Variants in RBM6 observed in about 807,000 individuals in gnomAD.
RBM6 encodes the protein RNA-binding protein 6.
A neutral mutation model predicts 140.4 loss-of-function variants in RBM6; 23 were observed. The ratio of observed to expected loss-of-function variants is 0.16; its 90% CI spans 0.12 to 0.23. The LOEUF is 0.23. Ranked by LOEUF, RBM6 falls within the 10% of genes least tolerant of loss-of-function variation. The pLI is 1.00. For synonymous variants in RBM6, 439 were observed against 475.6 expected (o/e 0.92, Z 1.00); for missense variants, 1,139 against 1,386.7 (o/e 0.82, Z 2.84).
chr3:49,964,822 AC>A (rs1176602759), intron 2 of RBM6, among the ~76,000 whole-genome samples: 2 of 152,174 alleles, frequency 1.3e-5, no homozygotes, highest in Non-Finnish European at 2.9e-5. Context: ...TTATTGTCTA[AC>A]TTTTTTCAAA....
At chr3:50,026,536 C>T (rs887034163) in intron 6 of RBM6, among the ~76,000 whole-genome samples, 1 of 151,210 alleles carries the variant, frequency 6.6e-6, no homozygotes, top group African/African-American at 2.4e-5. Flanking sequence ...TGCACCACCA[C>T]GTCTGGCTAA....
chr3:50,071,633 T>A (rs963199555), intron 19 of RBM6, among the ~76,000 whole-genome samples: 1 of 152,070 alleles, frequency 6.6e-6, no homozygotes, highest in Admixed American at 6.6e-5. Flanking sequence ...AGACCCTGCC[T>A]CTATTTAAAA....
chr3:50,026,991 G>A (rs4688755), intron 6 of RBM6, among the ~76,000 whole-genome samples: 74,934 of 151,694 alleles, frequency 0.49, 19,559 homozygotes, highest in East Asian at 0.86. Flanking sequence ...TTGTTCCTGG[G>A]TCGTCAGATA....
chr3:49,995,359 C>T (rs2086035362), intron 5 of RBM6, among the ~76,000 whole-genome samples: 2 of 152,016 alleles, frequency 1.3e-5, no homozygotes, highest in African/African-American at 2.4e-5. Flanking sequence ...AGTTCGAGAC[C>T]AGCCTGGCCA....
At chr3:50,002,327 T>C (rs1488723390) in intron 6 of RBM6, among the ~76,000 whole-genome samples, 2 of 151,522 alleles carry the variant, frequency 1.3e-5, no homozygotes, top group Non-Finnish European at 2.9e-5. Flanking sequence ...GGTGGCACGA[T>C]CTCAGCTCAT....
intron 1 of RBM6, among the ~76,000 whole-genome samples, chr3:49,961,814 A>G (rs1331221737): frequency 6.6e-6 from 1 of 150,842 alleles, no homozygotes; most frequent in African/African-American, 2.4e-5. Flanking sequence ...AAAAAAAAAA[A>G]GTATTTTTCT....
chr3:50,008,677 C>T (rs2086699225), intron 6 of RBM6, among the ~76,000 whole-genome samples: 1 of 151,480 alleles, frequency 6.6e-6, no homozygotes, highest in African/African-American at 2.4e-5. Flanking sequence ...CCTTGGCCTC[C>T]CGAGTAGCTG....
At position 50,077,177 on chromosome 3, in the gene RBM6, G is replaced by T. The variant is rs762628052; in HGVS notation, c.*44G>T. The T allele has an allele frequency of 3.8e-6, 6 of 1,559,350 alleles. No homozygotes were observed. The African/African-American group carries it at 4.2e-5, about 11-fold the overall frequency. On this transcript the variant is annotated 3_prime_UTR_variant, in exon 21 of 21. Transcript: ENST00000266022. Reference sequence around the variant, plus strand: ...TGGGATACAACCTCCCTCTTGTTTTGTTTGTCTCTCCTTTTCTTTTGTTAC... The same window carrying T: ...TGGGATACAACCTCCCTCTTGTTTTTTTTGTCTCTCCTTTTCTTTTGTTAC...
chr3:49,971,839 T>C (rs1449728113), intron 3 of RBM6, among the ~76,000 whole-genome samples: 1 of 152,234 alleles, frequency 6.6e-6, no homozygotes, highest in Non-Finnish European at 1.5e-5. Context: ...TTTGCTTTAC[T>C]TTGAAGACTC....
rs1407657253 is a variant in RBM6 at position 50,067,215 on chromosome 3, C to T, written c.2943+713C>T. Among the ~76,000 whole-genome samples the T allele has an allele frequency of 3.4e-5, 5 of 146,650 alleles. No homozygotes were observed. In the South Asian group the frequency reaches 6.4e-4, roughly 19 times the overall value. ...AAAAAAAAAAAAAAAAAAAAAAAGC[C>T]GCAGCAGCTTATACAATCCTTCCTC... On this transcript the variant is annotated intron_variant, in intron 17 of 20. Transcript: ENST00000266022.
chr3:50,021,740 C>CTTTTTTTTTTTTTTTTTTTTT (rs542734328), intron 6 of RBM6, among the ~76,000 whole-genome samples: 1 of 42,732 alleles, frequency 2.3e-5, no homozygotes, highest in Non-Finnish European at 4.1e-5. Context: ...AATTTAAGTG[C>CTTTTTTTTTTTTTTTTTTTTT]TTTTTTTTTT....
intron 3 of RBM6, among the ~76,000 whole-genome samples, chr3:49,970,377 C>T (rs983979092): frequency 6.6e-6 from 1 of 152,018 alleles, no homozygotes; most frequent in Non-Finnish European, 1.5e-5. Context: ...ACTGCCCCTA[C>T]CCTTTTGATG....
chr3:50,003,192 G>A (rs1284877366), intron 6 of RBM6, among the ~76,000 whole-genome samples: 1 of 151,468 alleles, frequency 6.6e-6, no homozygotes, highest in Non-Finnish European at 1.5e-5. Context: ...TTTGTAGGCC[G>A]GGCACTATGG....
intron 5 of RBM6, among the ~76,000 whole-genome samples, chr3:49,999,132 G>A (rs974369752): frequency 5.3e-5 from 8 of 150,072 alleles, no homozygotes; most frequent in African/African-American, 2.0e-4. Context: ...GGGTCCCCAC[G>A]TGAACTCTCT....
chr3:49,968,443 A>C lies in RBM6; in HGVS notation c.1018A>C (p.Arg340=). ...GGGAGAATTTGAGCATTCAGAAACA[A>C]GAGAAGGAGAAACACAAGGTGTAGC... ...QKGEFEHSET[R]EGETQGVAFE... The change falls in exon 3 of 21, where the codon AGA becomes CGA. Residue 340 remains arginine, a synonymous_variant. Coordinates refer to ENST00000266022, the MANE Select transcript of RBM6 (RefSeq NM_005777.3). 6.2e-7 allele frequency: 1 copy of C among 1,614,220 alleles called. No homozygotes were observed. Among genetic ancestry groups the C allele is most frequent in the South Asian group, 1.1e-5 (1 of 91,084 alleles).
chr3:49,968,335 G>C lies in RBM6; in HGVS notation c.910G>C (p.Glu304Gln). ...CATTCAGCCCTCTACACAAGATAGA[G>C]AACATTCTGGTATGAATGTGAACAG... is the stretch of plus-strand genomic sequence containing the variant. ...DYIQPSTQDREHSGMNVNRRE... is the reference protein window; with the variant it reads ...DYIQPSTQDRQHSGMNVNRRE... The change falls in exon 3 of 21, where the codon GAA becomes CAA. Residue 304 changes from glutamate (E) to glutamine (Q), a missense_variant. Physicochemically the swap from Glu to Gln is conservative, Grantham distance 29. This residue lies in a region of RBM6 where 566 missense variants were observed against 612.7 expected (regional missense o/e 0.92). Coordinates refer to ENST00000266022, the MANE Select transcript of RBM6 (RefSeq NM_005777.3). The C allele has an allele frequency of 6.2e-7, 1 of 1,614,166 alleles. No individual in the cohort carries two copies. The highest frequency in any genetic ancestry group is 8.5e-7 in the Non-Finnish European group (1 of 1,180,038).
At chr3:49,999,219 G>T (rs1261144273) in intron 5 of RBM6, among the ~76,000 whole-genome samples, 2 of 152,066 alleles carry the variant, frequency 1.3e-5, no homozygotes, top group Admixed American at 6.5e-5. Flanking sequence ...TTGGTTAATA[G>T]AAAAGGCTGT....
Position 49,967,552 on chromosome 3 carries a change from C to T in RBM6, c.127C>T (p.His43Tyr). The T allele has an allele frequency of 6.2e-7, 1 of 1,614,164 alleles. No homozygotes were observed. The highest frequency in any genetic ancestry group is 8.5e-7 in the Non-Finnish European group (1 of 1,180,030). ...PPLKSHAQER[H>Y]SGNFPGRDSL... ...CCTTAAGAGTCATGCTCAAGAGAGA[C>T]ACTCTGGCAACTTTCCTGGCAGAGA... The change falls in exon 3 of 21, where the codon CAC becomes TAC. Residue 43 changes from histidine (H) to tyrosine (Y), a missense_variant. Physicochemically the swap from His to Tyr is moderately conservative, Grantham distance 83 (BLOSUM62 2). Around this residue, in one of 9 missense-constraint regions of RBM6, gnomAD observed 566 missense variants for 612.7 expected, o/e 0.92. Coordinates refer to ENST00000266022, the MANE Select transcript of RBM6 (RefSeq NM_005777.3). This position sits in a 1 kb window ranked among gnomAD's most constrained non-coding sequence, Gnocchi z 4.0.
At chr3:49,955,168 T>TTTTTC (rs1553637207) in intron 1 of RBM6, among the ~76,000 whole-genome samples, 19 of 112,580 alleles carry the variant, frequency 1.7e-4, no homozygotes, top group African/African-American at 6.7e-4. Flanking sequence ...TTCTTTTTTT[T>TTTTTC]TTTTTTTTTT....
Sources: gnomAD v4.1 joint callset for allele counts (sites outside exome capture counted in the v4.1 genomes callset) on GRCh38, gnomAD v4.1.1 for gene constraint, gnomAD v4.1.1 regional missense constraint, Gnocchi (gnomAD v3.1) non-coding constraint, MANE v1.5 for transcripts, NCBI Gene and HGNC (gene_info 2026-07-23, HGNC 2026-07-21) for gene names.